Variants in DUS3L observed in about 807,000 individuals in gnomAD.
DUS3L encodes the protein tRNA-dihydrouridine(47) synthase [NAD(P)(+)]-like.
A neutral mutation model predicts 74.6 loss-of-function variants in DUS3L; 62 were observed. The observed-to-expected ratio is 0.83, with a 90% CI of 0.68 to 1.03. The LOEUF is 1.03. DUS3L is among the 50% of genes least tolerant of loss of function. DUS3L has a pLI of 0.00. For synonymous variants in DUS3L, 433 were observed against 395.7 expected (o/e 1.09, Z -1.12); for missense variants, 884 against 924.4 (o/e 0.96, Z 0.57).
chr19:5,787,038 G>A, intron 8 of DUS3L, 23 bp downstream of exon 8: 1 of 1,522,094 alleles, frequency 6.6e-7, no homozygotes, highest in Non-Finnish European at 8.8e-7. Flanking sequence ...AGGCCCCAAT[G>A]CCCGAGGCGT....
Position 5,786,556 on chromosome 19 carries a change from G to A in DUS3L, c.1487-14C>T. On this transcript the variant is annotated splice_polypyrimidine_tract_variant and intron_variant, in intron 9 of 12. Coordinates refer to ENST00000309061, the MANE Select transcript of DUS3L (RefSeq NM_020175.3). ...TGTCCCCATTTCCTGAGGAGACAGA[G>A]GCTGGGGTCTCAGGGAGACATGGGC... 1.2e-6 allele frequency: 2 copies of A among 1,612,320 alleles called. No homozygotes were observed. The highest frequency in any genetic ancestry group is 1.7e-6 in the Non-Finnish European group (2 of 1,179,572).
rs1297907186 is a variant in DUS3L, at chr19:5,791,099, C to T, written c.43G>A (p.Gly15Ser). 6.2e-7 allele frequency: 1 copy of T among 1,609,762 alleles called. No homozygotes were observed. Among genetic ancestry groups the T allele is most frequent in the Non-Finnish European group, 8.5e-7 (1 of 1,178,524 alleles). ...AAAGCTCCGGCTCCCGAGTCGCCAC[C>T]ACCACCATTCTCTAGAGGAGCCTCC... ...TAEAPLENGG[G>S]GDSGAGALER... is the part of the protein sequence containing the mutation. Residue 15 changes from glycine (G) to serine (S), a missense_variant, in exon 1 of 13, where the codon GGT (glycine) becomes AGT (serine). Coordinates refer to ENST00000309061, the MANE Select transcript of DUS3L (RefSeq NM_020175.3).
Position 5,785,332 on chromosome 19 carries a change from G to A in DUS3L, c.1880+51C>T, listed in dbSNP as rs375298428. 1.1e-4 allele frequency: 174 copies of A among 1,608,624 alleles called. 1 individual carries two copies. The East Asian group carries it at 3.0e-3, about 27-fold the overall frequency. On this transcript the variant is annotated intron_variant, in intron 12 of 12. Transcript: ENST00000309061. ...GCCCAGGACCTGCAAAGTACCCTCC[G>A]TGACCCCGGGCCCCCGACTGCAGCT... is the stretch of plus-strand genomic sequence containing the variant.
Position 5,787,356 on chromosome 19 carries a change from C to A in DUS3L, c.1218G>T (p.Gly406=). Residue 406 remains glycine, a synonymous_variant, in exon 7 of 13, where the codon GGG becomes GGT. Transcript: ENST00000309061. ...TGGAGCGATTCATGAGGGCACAGCC[C>A]CCACCCTGGAAGAGACAGGCGGGTG... The part of the protein sequence containing the change: ...CPIDLVYKKG[G]GCALMNRSTK... The A allele has an allele frequency of 6.2e-7, 1 of 1,612,406 alleles. No individual in the cohort carries two copies. The highest frequency in any genetic ancestry group is 1.7e-5 in the Admixed American group (1 of 59,826).
At chr19:5,790,474 C>T (rs2056899271) in intron 1 of DUS3L, 139 bp from the exon 2 acceptor site, 1 of 1,037,906 alleles carries the variant, frequency 9.6e-7, no homozygotes, top group East Asian at 2.6e-5. Context: ...AGCTCCCAGC[C>T]TGGGAGCCCC....
At chr19:5,789,027 C>G (rs1221776740) in intron 3 of DUS3L, 180 bp downstream of exon 3, 1 of 808,662 alleles carries the variant, frequency 1.2e-6, no homozygotes, top group Non-Finnish European at 1.6e-6. Flanking sequence ...CTTTCTGTCC[C>G]CACCTCCTGA....
At position 5,785,787 on chromosome 19, in the gene DUS3L, C is replaced by T. The variant is rs781540486; in HGVS notation, c.1567G>A (p.Ala523Thr). The T allele has an allele frequency of 5.0e-6, 8 of 1,593,414 alleles. No homozygotes were observed. The highest frequency in any genetic ancestry group is 1.3e-5 in the African/African-American group (1 of 74,646). Residue 523 changes from alanine (A) to threonine (T), a missense_variant, in exon 11 of 13, where the codon GCC (alanine) becomes ACC (threonine). Coordinates refer to ENST00000309061, the MANE Select transcript of DUS3L (RefSeq NM_020175.3). ...GVTGIMIARG[A>T]LLKPWLFTEI... ...GTGAAGAGCCACGGCTTGAGCAGGG[C>T]GCCACTGTGGGACGGGTGACGATCA... is the stretch of plus-strand genomic sequence containing the variant.
intron 1 of DUS3L, among the ~76,000 whole-genome samples, chr19:5,790,627 G>C (rs997538975): frequency 2.6e-5 from 4 of 152,150 alleles, no homozygotes; most frequent in Admixed American, 6.6e-5. Flanking sequence ...CCTTGAAGCG[G>C]AGTCTAAGCC....
chr19:5,785,861 T>A (rs1006360455), intron 10 of DUS3L, 70 bp from the exon 11 acceptor site: 1 of 1,458,110 alleles, frequency 6.9e-7, no homozygotes. Context: ...TCTGCTTCCA[T>A]GGCCTGGCCT....
chr19:5,787,381 G>A lies in DUS3L; in HGVS notation c.1213-20C>T. The A allele has an allele frequency of 1.2e-6, 2 of 1,612,092 alleles. No individual in the cohort carries two copies. The highest frequency in any genetic ancestry group is 8.5e-7 in the Non-Finnish European group (1 of 1,179,410). The stretch of plus-strand genomic sequence containing the variant: ...CCCACCCTGGAAGAGACAGGCGGGT[G>A]GAGGGAGGGCAGGACGTGGGCTGAC... On this transcript the variant is annotated intron_variant, in intron 6 of 12. Coordinates refer to ENST00000309061, the MANE Select transcript of DUS3L (RefSeq NM_020175.3).
chr19:5,789,249 C>T lies in DUS3L; in HGVS notation c.858G>A (p.Thr286=), dbSNP rs369425978. The change falls in exon 3 of 13, where the codon ACG becomes ACA. Residue 286 remains threonine, a synonymous_variant. Coordinates refer to ENST00000309061, the MANE Select transcript of DUS3L (RefSeq NM_020175.3). ...GCCGCAGCCTGACCACGTCCTCATC[C>T]GTCAGGGGCCCGCAGGTCCGCACGG... ...SSPVRTCGPL[T]DEDVVRLRPC... 6.6e-5 allele frequency: 104 copies of T among 1,568,150 alleles called. No individual in the cohort carries two copies. Among genetic ancestry groups the T allele is most frequent in the Middle Eastern group, 3.4e-4 (2 of 5,870 alleles).
At position 5,787,631 on chromosome 19, in the gene DUS3L, C is replaced by A. The variant is rs889961306; in HGVS notation, c.1170G>T (p.Val390=). 2 of 1,613,736 alleles carry A rather than the reference C, an allele frequency of 1.2e-6. No homozygotes were observed. The highest frequency in any genetic ancestry group is 1.7e-6 in the Non-Finnish European group (2 of 1,179,994). The change falls in exon 6 of 13, where the codon GTG becomes GTT. Residue 390 remains valine (V), a synonymous_variant. Transcript: ENST00000309061. ...LLSRTVEVDF[V]DINVGCPIDL... ...CGATGGGGCAGCCGACGTTGATGTC[C>A]ACAAAGTCCACCTCCACGGTGCGGC... is the stretch of plus-strand genomic sequence containing the variant.
rs772913612 is a variant in DUS3L at position 5,788,092 on chromosome 19, G to A, written c.1027C>T (p.Leu343=). 14 of 1,613,664 alleles carry A rather than the reference G, an allele frequency of 8.7e-6. No homozygotes were observed. Among genetic ancestry groups the A allele is most frequent in the African/African-American group, 1.3e-5 (1 of 74,942 alleles). ...GCCCACTCGGACATCTGGCCCTGCA[G>A]CAGGTTGGTGCAGACGGCCATCTCT... ...CGEMAVCTNL[L]QGQMSEWALL... is the part of the protein sequence containing the mutation. The change falls in exon 5 of 13, where the codon CTG becomes TTG. Residue 343 remains leucine (L), a synonymous_variant. Coordinates refer to ENST00000309061, the MANE Select transcript of DUS3L (RefSeq NM_020175.3).
rs911370055 is a variant in DUS3L at position 5,787,818 on chromosome 19, C to T, written c.1096-113G>A. ...GAGCCAGTGGCCTCCTCTCTCGGGGCCTCCCCGGAAGGAGCCAAGGTCTGT... is the reference window on the plus strand; with the variant it reads ...GAGCCAGTGGCCTCCTCTCTCGGGGTCTCCCCGGAAGGAGCCAAGGTCTGT... On this transcript the variant is annotated intron_variant, in intron 5 of 12. Coordinates refer to ENST00000309061, the MANE Select transcript of DUS3L (RefSeq NM_020175.3). 4 of 1,458,238 alleles carry T rather than the reference C, an allele frequency of 2.7e-6. No individual in the cohort carries two copies. The African/African-American group carries it at 5.5e-5, about 20-fold the overall frequency. The allele number at this position is 1,458,238 out of a possible 1,614,324, so 90.3% of individuals were successfully genotyped here.
rs755027707 is a variant in DUS3L at position 5,785,440 on chromosome 19, C to T, written c.1823G>A (p.Arg608His). Residue 608 changes from arginine to histidine, a missense_variant, in exon 12 of 13, where the codon CGC (arginine) becomes CAC (histidine). By Grantham distance (29) the Arg-to-His change is conservative. Transcript: ENST00000309061. The part of the protein sequence containing the change: ...INERPPYYLG[R>H]DYLETLMASQ... ...GGCCATCAGCGTCTCCAGGTAGTCG[C>T]GGCCCAGGTAGTAGGGCGGCCGCTC... 1.7e-5 allele frequency: 27 copies of T among 1,590,498 alleles called. No individual in the cohort carries two copies. Among genetic ancestry groups the T allele is most frequent in the Non-Finnish European group, 2.1e-5 (25 of 1,168,172 alleles).
Position 5,790,189 on chromosome 19 carries a change from G to GT in DUS3L, c.244dup (p.Thr82AsnfsTer53). ...TGCCTCCTCCGTCTGCCCGTCCGCC[G>GT]TCTGTCCATCCTCCAGTCGGATCCG... On this transcript the variant is annotated frameshift_variant, in exon 2 of 13. Transcript: ENST00000309061. LOFTEE classifies it high-confidence loss of function. 1 of 1,614,114 alleles carries GT rather than the reference G, an allele frequency of 6.2e-7. No homozygotes were observed. Among genetic ancestry groups the GT allele is most frequent in the African/African-American group, 1.3e-5 (1 of 75,024 alleles).
In DUS3L at chr19:5,790,183, T is replaced by G. The variant is rs2056896060; in HGVS notation, c.251A>C (p.Asp84Ala). Residue 84 changes from aspartate (D) to alanine (A), a missense_variant, in exon 2 of 13, where the codon GAC (aspartate) becomes GCC (alanine). Physicochemically the swap from Asp to Ala is moderately radical, Grantham distance 126. Coordinates refer to ENST00000309061, the MANE Select transcript of DUS3L (RefSeq NM_020175.3). ...CTCTGCTGCCTCCTCCGTCTGCCCG[T>G]CCGCCGTCTGTCCATCCTCCAGTCG... ...RIRLEDGQTA[D>A]GQTEEAAEPG... is the part of the protein sequence containing the mutation. The G allele has an allele frequency of 6.2e-7, 1 of 1,614,138 alleles. No homozygotes were observed. Among genetic ancestry groups the G allele is most frequent in the Admixed American group, 1.7e-5 (1 of 60,014 alleles).
At chr19:5,788,968 A>G (rs1166566991) in intron 3 of DUS3L, among the ~76,000 whole-genome samples, 2 of 151,998 alleles carry the variant, frequency 1.3e-5, no homozygotes, top group African/African-American at 4.8e-5. Context: ...CAGCCTCCCA[A>G]AGTGCTGGGA....
chr19:5,786,716 G>A, intron 9 of DUS3L, 33 bp downstream of exon 9: 4 of 1,604,320 alleles, frequency 2.5e-6, no homozygotes, highest in Non-Finnish European at 3.4e-6. Context: ...AAGGGTGGTA[G>A]GGGAGAGGGA....
Sources: gnomAD v4.1 joint callset for allele counts (sites outside exome capture counted in the v4.1 genomes callset) on GRCh38, gnomAD v4.1.1 for gene constraint, MANE v1.5 for transcripts, NCBI Gene and HGNC (gene_info 2026-07-23, HGNC 2026-07-21) for gene names.